The following RBFOX1 variants were observed in gnomAD, a reference collection of about 807,000 sequenced individuals.
The protein encoded by RBFOX1 is RNA binding fox-1 homolog 1, also known as RNA binding protein fox-1 homolog 1.
A neutral mutation model predicts 57.7 loss-of-function variants in RBFOX1; 8 were observed. The ratio of observed to expected loss-of-function variants is 0.14; its 90% CI spans 0.08 to 0.25. The LOEUF (loss-of-function observed/expected upper bound fraction) is 0.25. Ranked by LOEUF, RBFOX1 falls within the 10% of genes least tolerant of loss-of-function variation. The pLI is 1.00. For synonymous variants in RBFOX1, 326 were observed against 222.4 expected (o/e 1.47, Z -4.15); for missense variants, 611 against 548.5 (o/e 1.11, Z -1.14).
At chr16:7,081,128 A>C (rs1031894188) in intron 4 of RBFOX1, among the ~76,000 whole-genome samples, 3 of 152,090 alleles carry the variant, frequency 2.0e-5, no homozygotes, top group Non-Finnish European at 2.9e-5. Flanking sequence ...TCCACCTCCC[A>C]GGTTGAAGCG....
At chr16:6,664,509 T>C (rs1219169528) in intron 3 of RBFOX1, among the ~76,000 whole-genome samples, 2 of 152,198 alleles carry the variant, frequency 1.3e-5, no homozygotes, top group Admixed American at 1.3e-4. Context: ...CTTGGTAGGA[T>C]GTGATACATA....
chr16:6,842,604 C>T (rs1016992268), intron 3 of RBFOX1, among the ~76,000 whole-genome samples: 7 of 149,856 alleles, frequency 4.7e-5, no homozygotes, highest in Non-Finnish European at 8.9e-5. Flanking sequence ...TTTATGTATC[C>T]AGTTTCCTGC....
At chr16:6,642,657 G>GGT (rs1475872884) in intron 2 of RBFOX1, among the ~76,000 whole-genome samples, 1 of 104,952 alleles carries the variant, frequency 9.5e-6, no homozygotes, top group East Asian at 3.8e-4. Flanking sequence ...GCCAAAGAAA[G>GGT]GTAGGGGACT....
intron 3 of RBFOX1, among the ~76,000 whole-genome samples, chr16:6,822,642 G>C (rs538005092): frequency 6.6e-6 from 1 of 152,314 alleles, no homozygotes; most frequent in South Asian, 2.1e-4. Flanking sequence ...AAGGTATGAG[G>C]TTAGACAACC....
intron 4 of RBFOX1, among the ~76,000 whole-genome samples, chr16:5,991,292 T>C (rs1456909279): frequency 6.6e-6 from 1 of 152,184 alleles, no homozygotes; most frequent in East Asian, 1.9e-4. Flanking sequence ...CCCATGATTT[T>C]AATATACGTC....
chr16:5,785,328 G>A (rs1597243593), intron 3 of RBFOX1, among the ~76,000 whole-genome samples: 1 of 152,260 alleles, frequency 6.6e-6, no homozygotes, highest in African/African-American at 2.4e-5. Context: ...GAGAGGTGGA[G>A]CTGGCTCAAA....
rs868596992 is a variant in RBFOX1, at chr16:7,040,261, C to T, written c.-15-11796C>T. On this transcript the variant is annotated intron_variant, in intron 3 of 15. Coordinates refer to ENST00000550418, the MANE Select transcript of RBFOX1 (RefSeq NM_018723.4). ...GTCTCGATCTCTTGACCTCATGGTCCTCCTGCCTCAGCCTCCCAAAGTGCT... is the reference window on the plus strand; with the variant it reads ...GTCTCGATCTCTTGACCTCATGGTCTTCCTGCCTCAGCCTCCCAAAGTGCT... Among the ~76,000 whole-genome samples, 5 of 152,022 alleles carry T rather than the reference C, an allele frequency of 3.3e-5. No homozygotes were observed. The South Asian group carries it at 1.0e-3, about 32-fold the overall frequency.
intron 3 of RBFOX1, among the ~76,000 whole-genome samples, chr16:5,772,929 T>C (rs771029983): frequency 6.6e-6 from 1 of 152,168 alleles, no homozygotes. Flanking sequence ...AAGAATGTTA[T>C]GGGCAGAGGG....
chr16:7,257,589 C>G (rs557028341), intron 4 of RBFOX1, among the ~76,000 whole-genome samples: 2 of 152,260 alleles, frequency 1.3e-5, no homozygotes, highest in Non-Finnish European at 2.9e-5. Context: ...CCTTGCTTAT[C>G]CACACCTACC....
chr16:7,686,710 G>T (rs1018917960), intron 14 of RBFOX1, among the ~76,000 whole-genome samples: 7 of 152,086 alleles, frequency 4.6e-5, no homozygotes, highest in Non-Finnish European at 1.0e-4. Context: ...CTGAGGTCCA[G>T]ACAGGTGAAA....
chr16:6,841,614 A>C (rs2093467477), intron 3 of RBFOX1, among the ~76,000 whole-genome samples: 1 of 152,130 alleles, frequency 6.6e-6, no homozygotes, highest in Admixed American at 6.6e-5. Context: ...TTTACTCTCA[A>C]AACTCTCACG....
chr16:6,011,534 G>A (rs2094961279), intron 4 of RBFOX1, among the ~76,000 whole-genome samples: 1 of 152,128 alleles, frequency 6.6e-6, no homozygotes, highest in Non-Finnish European at 1.5e-5. Context: ...TGTAAAATGG[G>A]AATAGTACTA....
At chr16:5,596,706 A>T (rs1378918296) in intron 2 of RBFOX1, among the ~76,000 whole-genome samples, 3 of 152,194 alleles carry the variant, frequency 2.0e-5, no homozygotes, top group Non-Finnish European at 4.4e-5. Flanking sequence ...CCATCTATAA[A>T]GTGGGACTGA....
At chr16:5,377,390 G>A (rs1277869708) in intron 1 of RBFOX1, among the ~76,000 whole-genome samples, 1 of 151,292 alleles carries the variant, frequency 6.6e-6, no homozygotes, top group Non-Finnish European at 1.5e-5. Flanking sequence ...GGGATGAGAA[G>A]GAGTTGACCA....
At chr16:6,786,674 C>G (rs1428037179) in intron 3 of RBFOX1, among the ~76,000 whole-genome samples, 1 of 152,134 alleles carries the variant, frequency 6.6e-6, no homozygotes, top group African/African-American at 2.4e-5. Flanking sequence ...AGTAGGTCAA[C>G]AAAGTTCTGT....
At chr16:5,458,402 G>A (rs369822090) in intron 1 of RBFOX1, among the ~76,000 whole-genome samples, 9 of 152,202 alleles carry the variant, frequency 5.9e-5, no homozygotes, top group Non-Finnish European at 1.2e-4. Context: ...ATAGCACAGC[G>A]AGAGTTGATG....
At chr16:5,659,814 A>C (rs1005438922) in intron 3 of RBFOX1, among the ~76,000 whole-genome samples, 1 of 152,154 alleles carries the variant, frequency 6.6e-6, no homozygotes, top group Non-Finnish European at 1.5e-5. Context: ...TCATCAGTCA[A>C]ATCATTGGTA....
chr16:5,905,577 G>A (rs1022436109), intron 4 of RBFOX1, among the ~76,000 whole-genome samples: 27 of 152,138 alleles, frequency 1.8e-4, no homozygotes, highest in African/African-American at 6.5e-4. Context: ...GCTGGATGTG[G>A]TGGTACACAT....
intron 3 of RBFOX1, among the ~76,000 whole-genome samples, chr16:5,796,810 C>G (rs1285451079): frequency 6.6e-6 from 1 of 152,186 alleles, no homozygotes; most frequent in Non-Finnish European, 1.5e-5. Context: ...TTCTCTAACT[C>G]TGATATATTT....
Sources: gnomAD v4.1 joint callset for allele counts (sites outside exome capture counted in the v4.1 genomes callset) on GRCh38, gnomAD v4.1.1 for gene constraint, MANE v1.5 for transcripts, NCBI Gene and HGNC (gene_info 2026-07-23, HGNC 2026-07-21) for gene names.